GMDS: variants seen among roughly 807,000 people sequenced by gnomAD.
GMDS encodes the protein GDP-mannose 4,6 dehydratase.
Under a neutral mutation model 49.9 loss-of-function variants are expected in GMDS, and 20 were observed. The ratio of observed to expected loss-of-function variants is 0.40; its 90% CI spans 0.28 to 0.58. The LOEUF is 0.58. GMDS is among the 20% of genes least tolerant of loss of function. GMDS has a pLI of 0.42. For missense variants in GMDS, 362 were observed against 481.4 expected (o/e 0.75, Z 2.32); for synonymous variants, 177 against 178.6 (o/e 0.99, Z 0.07).
chr6:1,857,210 T>A (rs1388401512), intron 7 of GMDS, among the ~76,000 whole-genome samples: 1 of 152,236 alleles, frequency 6.6e-6, no homozygotes, highest in African/African-American at 2.4e-5. Context: ...AAAACATTCA[T>A]ACGACATTCC....
At chr6:2,193,880 C>T (rs1779165336) in intron 1 of GMDS, among the ~76,000 whole-genome samples, 2 of 151,834 alleles carry the variant, frequency 1.3e-5, no homozygotes, top group South Asian at 2.1e-4. Context: ...TCCACCACCA[C>T]GCCCAGCTAA....
chr6:1,874,656 G>C (rs1758943290), intron 7 of GMDS, among the ~76,000 whole-genome samples: 1 of 152,094 alleles, frequency 6.6e-6, no homozygotes, highest in Non-Finnish European at 1.5e-5. Flanking sequence ...GGGGAAGCAT[G>C]ACAATATTTA....
At chr6:1,798,361 TAA>T (rs1489296433) in intron 7 of GMDS, among the ~76,000 whole-genome samples, 1 of 152,314 alleles carries the variant, frequency 6.6e-6, no homozygotes, top group Non-Finnish European at 1.5e-5. Flanking sequence ...GATTTTCATA[TAA>T]GTCACTGTAG....
At chr6:1,779,494 G>C (rs998429658) in intron 7 of GMDS, among the ~76,000 whole-genome samples, 13 of 152,278 alleles carry the variant, frequency 8.5e-5, no homozygotes, top group Admixed American at 5.2e-4. Flanking sequence ...AATGACTCTG[G>C]AAGGAAAGTT....
At chr6:2,136,788 A>C (rs768748920) in intron 1 of GMDS, among the ~76,000 whole-genome samples, 33 of 152,108 alleles carry the variant, frequency 2.2e-4, no homozygotes, top group Non-Finnish European at 4.3e-4. Flanking sequence ...CTGTAGTCCT[A>C]GCTACTTGGA....
In GMDS at chr6:1,640,003, C is replaced by T. The variant is rs550534918; in HGVS notation, c.988-15463G>A. The stretch of plus-strand genomic sequence containing the variant: ...GATGTATAAGCCTGTTGAATGATAT[C>T]GACCAATGCTAAAGATCAGAGATAA... On this transcript the variant is annotated intron_variant, in intron 9 of 10. Coordinates refer to ENST00000380815, the MANE Select transcript of GMDS (RefSeq NM_001500.4). The surrounding 1 kb of genome is among the most constrained non-coding windows in gnomAD (Gnocchi z 4.0). 1.2e-4 allele frequency among the ~76,000 whole-genome samples: 18 copies of T among 152,316 alleles called. No individual in the cohort carries two copies. The highest frequency in any genetic ancestry group is 2.1e-4 in the South Asian group (1 of 4,822).
At chr6:2,053,812 C>A (rs2127439697) in intron 4 of GMDS, among the ~76,000 whole-genome samples, 1 of 152,058 alleles carries the variant, frequency 6.6e-6, no homozygotes, top group East Asian at 1.9e-4. Flanking sequence ...TAAAATATTT[C>A]TAATAATGGA....
chr6:1,790,111 C>T lies in GMDS; in HGVS notation c.772-47525G>A, dbSNP rs114750609. On this transcript the variant is annotated intron_variant, in intron 7 of 10. Transcript: ENST00000380815. Reference sequence around the variant, plus strand: ...GCTTCTCACATTTTCAGAGTCATCCCGAAAACCTCACTCTTTCTGTCAACA... The same window carrying T: ...GCTTCTCACATTTTCAGAGTCATCCTGAAAACCTCACTCTTTCTGTCAACA... Among the ~76,000 whole-genome samples, 1,508 of 152,082 alleles carry T rather than the reference C, an allele frequency of 9.9e-3. 20 individuals are homozygous for T. The highest frequency in any genetic ancestry group is 0.034 in the African/African-American group (1,418 of 41,466).
rs1212003460 is a variant in GMDS at position 1,624,767 on chromosome 6, G to T, written c.988-227C>A. The T allele has an allele frequency of 2.4e-5, 11 of 459,560 alleles. No individual in the cohort carries two copies. The East Asian group carries it at 3.8e-4, about 16-fold the overall frequency. The allele number at this position is 459,560 out of a possible 1,614,324, so 28.5% of individuals were successfully genotyped here. A position where few individuals can be genotyped will look rare whatever the true frequency, so the allele number is the denominator to read the frequency against. ...GCGGACCCGTGAGGACCGTGACCGC[G>T]ATCCACCCCCAGCTACCTCCACACC... On this transcript the variant is annotated intron_variant, in intron 9 of 10. Transcript: ENST00000380815.
At chr6:1,875,641 G>C (rs1250573813) in intron 7 of GMDS, among the ~76,000 whole-genome samples, 1 of 151,994 alleles carries the variant, frequency 6.6e-6, no homozygotes, top group Non-Finnish European at 1.5e-5. Flanking sequence ...TTTTATCCTT[G>C]TAATACTGCC....
At chr6:1,819,049 C>T (rs1026734535) in intron 7 of GMDS, among the ~76,000 whole-genome samples, 1 of 151,854 alleles carries the variant, frequency 6.6e-6, no homozygotes, top group Admixed American at 6.6e-5. Flanking sequence ...CACACACATA[C>T]ACACACTCTC....
intron 4 of GMDS, among the ~76,000 whole-genome samples, chr6:2,042,761 A>C (rs1231959691): frequency 2.0e-5 from 3 of 152,164 alleles, no homozygotes; most frequent in Non-Finnish European, 2.9e-5. Flanking sequence ...AGAAATCAAA[A>C]ACACATGAAA....
At chr6:1,817,483 G>A (rs1056547053) in intron 7 of GMDS, among the ~76,000 whole-genome samples, 2 of 152,142 alleles carry the variant, frequency 1.3e-5, no homozygotes, top group Admixed American at 6.5e-5. Flanking sequence ...TTTACTCCGA[G>A]GGTTTGAGTG....
At chr6:2,204,027 A>C (rs929717165) in intron 1 of GMDS, among the ~76,000 whole-genome samples, 6 of 152,338 alleles carry the variant, frequency 3.9e-5, no homozygotes, top group Middle Eastern at 3.4e-3. Flanking sequence ...AATTTGGGTG[A>C]CTAACATTCT....
intron 6 of GMDS, among the ~76,000 whole-genome samples, chr6:1,949,767 G>C (rs894293453): frequency 1.4e-4 from 22 of 152,312 alleles, no homozygotes; most frequent in African/African-American, 5.3e-4. Context: ...GGGTCCAAGA[G>C]TAGCGGCCAA....
rs1768928888 is a variant in GMDS at position 1,778,419 on chromosome 6, A to C, written c.772-35833T>G. ...GTTAAAGGTTCAGTGGAGACAGCAGACGAGTGGAACGGCGGGCACTGTGCT... is the reference window on the plus strand; with the variant it reads ...GTTAAAGGTTCAGTGGAGACAGCAGCCGAGTGGAACGGCGGGCACTGTGCT... On this transcript the variant is annotated intron_variant, in intron 7 of 10. Coordinates refer to ENST00000380815, the MANE Select transcript of GMDS (RefSeq NM_001500.4). The surrounding 1 kb of genome is among the most constrained non-coding windows in gnomAD (Gnocchi z 4.6). Among the ~76,000 whole-genome samples the C allele has an allele frequency of 6.6e-6, 1 of 152,216 alleles. No individual in the cohort carries two copies. The highest frequency in any genetic ancestry group is 2.4e-5 in the African/African-American group (1 of 41,466).
chr6:2,004,078 T>C (rs1410078392), intron 4 of GMDS, among the ~76,000 whole-genome samples: 2 of 152,232 alleles, frequency 1.3e-5, no homozygotes, highest in African/African-American at 4.8e-5. Flanking sequence ...ATATACAAAA[T>C]AGTCAGAGAT....
At chr6:2,204,844 C>T (rs1202616415) in intron 1 of GMDS, among the ~76,000 whole-genome samples, 1 of 152,186 alleles carries the variant, frequency 6.6e-6, no homozygotes, top group East Asian at 1.9e-4. Flanking sequence ...CACAACTTGA[C>T]CACAGCACTC....
intron 7 of GMDS, among the ~76,000 whole-genome samples, chr6:1,760,422 C>T (rs1768112830): frequency 6.6e-6 from 1 of 152,148 alleles, no homozygotes; most frequent in African/African-American, 2.4e-5. Flanking sequence ...ACTTGCCCAG[C>T]CAGCCACTAA....
Sources: allele counts gnomAD v4.1 joint callset (sites outside exome capture counted in the v4.1 genomes callset), GRCh38; gene constraint gnomAD v4.1.1; non-coding constraint Gnocchi (gnomAD v3.1); transcripts MANE v1.5; gene names NCBI Gene and HGNC (gene_info 2026-07-23, HGNC 2026-07-21).